Variants in TSHB observed in about 807,000 individuals in gnomAD.
The protein encoded by TSHB is thyrotropin subunit beta.
TSHB carries 9 observed loss-of-function variants against 9.3 expected under a neutral mutation model. The observed-to-expected ratio is 0.97, with a 90% CI of 0.58 to 1.69. The LOEUF is 1.69. TSHB is among the 40% of genes most tolerant of loss of function. TSHB has a pLI of 0.00. For synonymous variants in TSHB, 57 were observed against 57.2 expected, an observed-to-expected ratio of 1.00 and a Z score of 0.01; for missense variants, 182 against 168.5, an observed-to-expected ratio of 1.08 and a Z score of -0.44.
rs1428062378 is a variant in TSHB, at chr1:115,033,587, T to C, written c.162+63T>C. The C allele has an allele frequency of 3.5e-6, 5 of 1,419,474 alleles. No individual in the cohort carries two copies. The East Asian group carries it at 6.8e-5, about 19-fold the overall frequency. The allele number at this position is 1,419,474 out of a possible 1,614,324, so 87.9% of individuals were successfully genotyped here. A position where few individuals can be genotyped will look rare whatever the true frequency, so the allele number is the denominator to read the frequency against. ...TATAAGCCCTGAAGAAGTCCATTCC[T>C]ATATAGAAAGGAAATGAAATAAATC... On this transcript the variant is annotated intron_variant, in intron 2 of 2. Coordinates refer to ENST00000256592, the MANE Select transcript of TSHB (RefSeq NM_000549.5).
Position 115,033,395 on chromosome 1 carries a change from TG to T in TSHB, c.35del (p.Gly12AlafsTer29). On this transcript the variant is annotated frameshift_variant, in exon 2 of 3. Coordinates refer to ENST00000256592, the MANE Select transcript of TSHB (RefSeq NM_000549.5). LOFTEE classifies it high-confidence loss of function. The stretch of plus-strand genomic sequence containing the variant: ...CTCTCTTTCTGATGTCCATGCTTTT[TG>T]GCCTTACATGTGGGCAAGCGATGTC... ...TALFLMSMLF[G>X]LTCGQAMSFC... The T allele has an allele frequency of 6.2e-7, 1 of 1,613,540 alleles. No individual in the cohort carries two copies. The highest frequency in any genetic ancestry group is 8.5e-7 in the Non-Finnish European group (1 of 1,179,522).
At chr1:115,031,039 A>G (rs1321315532) in intron 1 of TSHB, among the ~76,000 whole-genome samples, 1 of 152,012 alleles carries the variant, frequency 6.6e-6, no homozygotes, top group South Asian at 2.1e-4. Flanking sequence ...AATTTATCAT[A>G]TAGAATTACA....
chr1:115,031,436 T>C (rs1674892681), intron 1 of TSHB, among the ~76,000 whole-genome samples: 2 of 152,030 alleles, frequency 1.3e-5, no homozygotes, highest in South Asian at 2.1e-4. Context: ...AAACAGATTA[T>C]ATATTTTAGT....
intron 1 of TSHB, among the ~76,000 whole-genome samples, chr1:115,031,424 TCAAA>T (rs1207795294): frequency 6.6e-6 from 1 of 151,978 alleles, no homozygotes; most frequent in African/African-American, 2.4e-5. Flanking sequence ...GAAATAACAC[TCAAA>T]CAGATTATAT....
intron 1 of TSHB, among the ~76,000 whole-genome samples, chr1:115,031,110 G>A (rs1055221184): frequency 6.6e-6 from 1 of 151,970 alleles, no homozygotes; most frequent in Non-Finnish European, 1.5e-5. Flanking sequence ...TGCTTTTATA[G>A]GTGAGAAAGT....
At position 115,033,951 on chromosome 1, in the gene TSHB, C is replaced by G. The variant is rs918374777; in HGVS notation, c.163-22C>G. ...TCCTAAAGTCCTGTCACATTATGCT[C>G]TCTTTTCTGTTCTTTCCCCAGGATA... On this transcript the variant is annotated intron_variant, in intron 2 of 2. Transcript: ENST00000256592. 5.6e-6 allele frequency: 9 copies of G among 1,611,936 alleles called. No homozygotes were observed. The East Asian group carries it at 1.1e-4, about 20-fold the overall frequency.
At chr1:115,033,226 T>A (rs1674933236) in intron 1 of TSHB, 136 bp from the exon 2 acceptor site, 1 of 825,112 alleles carries the variant, frequency 1.2e-6, no homozygotes, top group African/African-American at 1.7e-5. Context: ...TCTGGTGTCT[T>A]CCTTGACCAA....
In TSHB at chr1:115,033,445, C is replaced by G. The variant is rs1186252121; in HGVS notation, c.83C>G (p.Thr28Arg). 1.2e-5 allele frequency: 20 copies of G among 1,612,846 alleles called. No individual in the cohort carries two copies. Among genetic ancestry groups the G allele is most frequent in the Non-Finnish European group, 1.7e-5 (20 of 1,179,052 alleles). Residue 28 changes from threonine to arginine, a missense_variant, in exon 2 of 3, where the codon ACA becomes AGA. Transcript: ENST00000256592. ...TCTTTTTGTATTCCAACTGAGTATA[C>G]AATGCACATCGAAAGGAGAGAGTGT... ...AMSFCIPTEYTMHIERRECAY... is the reference protein window; with the variant it reads ...AMSFCIPTEYRMHIERRECAY...
chr1:115,034,083 T>C lies in TSHB; in HGVS notation c.273T>C (p.Val91=). 4 of 1,613,850 alleles carry C rather than the reference T, an allele frequency of 2.5e-6. No individual in the cohort carries two copies. The highest frequency in any genetic ancestry group is 2.5e-6 in the Non-Finnish European group (3 of 1,179,802). Residue 91 remains valine (V), a synonymous_variant, in exon 3 of 3, where the codon GTT becomes GTC. Transcript: ENST00000256592. The stretch of plus-strand genomic sequence containing the variant: ...AAATACCAGGATGCCCACTCCATGT[T>C]GCTCCCTATTTTTCCTATCCTGTTG... ...TVEIPGCPLH[V]APYFSYPVAL...
chr1:115,033,433 C>T lies in TSHB; in HGVS notation c.71C>T (p.Pro24Leu). ...GGGCAAGCGATGTCTTTTTGTATTC[C>T]AACTGAGTATACAATGCACATCGAA... is the stretch of plus-strand genomic sequence containing the variant. The part of the protein sequence containing the change: ...TCGQAMSFCI[P>L]TEYTMHIERR... The change falls in exon 2 of 3, where the codon CCA (proline) becomes CTA (leucine). Residue 24 changes from proline to leucine, a missense_variant. Pro to Leu is a moderately conservative substitution (Grantham distance 98). Coordinates refer to ENST00000256592, the MANE Select transcript of TSHB (RefSeq NM_000549.5). 6.2e-7 allele frequency: 1 copy of T among 1,612,612 alleles called. No individual in the cohort carries two copies. The highest frequency in any genetic ancestry group is 8.5e-7 in the Non-Finnish European group (1 of 1,178,692).
chr1:115,034,199 A>C lies in TSHB; in HGVS notation c.389A>C (p.Lys130Thr). 6.2e-7 allele frequency: 1 copy of C among 1,613,816 alleles called. No homozygotes were observed. Among genetic ancestry groups the C allele is most frequent in the Non-Finnish European group, 8.5e-7 (1 of 1,179,762 alleles). ...ACAAACTACTGTACCAAACCTCAGA[A>C]GTCTTATCTGGTAGGATTTTCTGTC... Reference protein sequence around the residue: ...IKTNYCTKPQKSYLVGFSV With the variant: ...IKTNYCTKPQTSYLVGFSV Residue 130 changes from lysine to threonine, a missense_variant, in exon 3 of 3, where the codon AAG (lysine) becomes ACG (threonine). By Grantham distance (78) the Lys-to-Thr change is moderately conservative. Coordinates refer to ENST00000256592, the MANE Select transcript of TSHB (RefSeq NM_000549.5).
chr1:115,030,680 C>T (rs1033923303), intron 1 of TSHB, among the ~76,000 whole-genome samples: 1 of 152,008 alleles, frequency 6.6e-6, no homozygotes, highest in Non-Finnish European at 1.5e-5. Context: ...TGAAACCATG[C>T]CTTCTATGTT....
chr1:115,031,968 G>A (rs1383537788), intron 1 of TSHB, among the ~76,000 whole-genome samples: 2 of 151,988 alleles, frequency 1.3e-5, no homozygotes, highest in Non-Finnish European at 2.9e-5. Context: ...AAGAAGTATA[G>A]TAAACATAAA....
At chr1:115,031,097 C>G (rs1674885246) in intron 1 of TSHB, among the ~76,000 whole-genome samples, 1 of 151,912 alleles carries the variant, frequency 6.6e-6, no homozygotes, top group Admixed American at 6.6e-5. Context: ...TGGCTCTAAG[C>G]CCTGCTTTTA....
intron 2 of TSHB, 98 bp from the exon 3 acceptor site, chr1:115,033,875 G>T: frequency 6.6e-7 from 1 of 1,507,006 alleles, no homozygotes; most frequent in East Asian, 2.3e-5. Context: ...TTGTATTTGT[G>T]ATGAAGGAAT....
intron 1 of TSHB, among the ~76,000 whole-genome samples, chr1:115,030,624 T>C (rs906687346): frequency 2.0e-5 from 3 of 152,006 alleles, no homozygotes; most frequent in Non-Finnish European, 4.4e-5. Flanking sequence ...TAGGGACATA[T>C]ATGTCCATGC....
Position 115,034,019 on chromosome 1 carries a change from A to G in TSHB, c.209A>G (p.Asp70Gly), listed in dbSNP as rs766589877. 1.2e-6 allele frequency: 2 copies of G among 1,613,752 alleles called. No homozygotes were observed. The highest frequency in any genetic ancestry group is 1.7e-6 in the Non-Finnish European group (2 of 1,179,728). The change falls in exon 3 of 3, where the codon GAT becomes GGT. Residue 70 changes from aspartate (D) to glycine (G), a missense_variant. Transcript: ENST00000256592. ...LFLPKYALSQ[D>G]VCTYRDFIYR... The stretch of plus-strand genomic sequence containing the variant: ...CTTCCCAAATATGCTCTGTCCCAGG[A>G]TGTTTGCACATATAGAGACTTCATC...
intron 1 of TSHB, 83 bp from the exon 2 acceptor site, chr1:115,033,279 T>C (rs1674934072): frequency 1.5e-6 from 2 of 1,299,540 alleles, no homozygotes; most frequent in South Asian, 2.4e-5. Context: ...GGGATGGTAC[T>C]GAAGTTTGGT....
Position 115,029,863 on chromosome 1 carries a change from A to AG in TSHB, c.-2+5dup, listed in dbSNP as rs1273046305. 5 of 152,560 alleles carry AG rather than the reference A, an allele frequency of 3.3e-5. No homozygotes were observed. The highest frequency in any genetic ancestry group is 1.2e-4 in the African/African-American group (5 of 41,466). 9.5% of individuals were successfully genotyped at this position (152,560 alleles called of 1,614,324 possible). On this transcript the variant is annotated splice_donor_region_variant and intron_variant, in intron 1 of 2. Transcript: ENST00000256592. The stretch of plus-strand genomic sequence containing the variant: ...TCTGCTCACCAATGCAAAGTAAGGT[A>AG]GGTGTCTATAGTGAGAAGGCTCTGT...
Sources: gnomAD v4.1 joint callset for allele counts (sites outside exome capture counted in the v4.1 genomes callset) on GRCh38, gnomAD v4.1.1 for gene constraint, MANE v1.5 for transcripts, NCBI Gene and HGNC (gene_info 2026-07-23, HGNC 2026-07-21) for gene names.